The following SSH2 variants were observed in gnomAD, a reference collection of about 807,000 sequenced individuals.
The protein encoded by SSH2 is protein phosphatase Slingshot homolog 2.
SSH2 carries 37 observed loss-of-function variants against 135.2 expected under a neutral mutation model. The observed-to-expected ratio is 0.27, with a 90% CI of 0.21 to 0.36. SSH2 has a LOEUF of 0.36. Ranked by LOEUF, SSH2 falls within the 10% of genes least tolerant of loss-of-function variation. SSH2 has a pLI of 1.00. For missense variants in SSH2, 1,408 were observed against 1,765.3 expected, an observed-to-expected ratio of 0.80 and a Z score of 3.63; for synonymous variants, 628 against 646.2, an observed-to-expected ratio of 0.97 and a Z score of 0.43.
At chr17:29,712,526 G>A (rs1283496188) in intron 3 of SSH2, among the ~76,000 whole-genome samples, 4 of 152,200 alleles carry the variant, frequency 2.6e-5, no homozygotes, top group Non-Finnish European at 4.4e-5. Flanking sequence ...ATTTCTGGCT[G>A]AGCGCGGTGG....
intron 3 of SSH2, among the ~76,000 whole-genome samples, chr17:29,785,726 C>A (rs1158939229): frequency 6.6e-6 from 1 of 150,904 alleles, no homozygotes; most frequent in Non-Finnish European, 1.5e-5. Context: ...GTCTCGAACT[C>A]GTGACCTCGA....
chr17:29,898,810 G>T (rs1017468499), intron 1 of SSH2, among the ~76,000 whole-genome samples: 13 of 152,094 alleles, frequency 8.5e-5, no homozygotes, highest in East Asian at 3.9e-4. Flanking sequence ...TACCAAAGCC[G>T]GGCAGAGACA....
chr17:29,813,240 G>A (rs1027278122), intron 2 of SSH2, among the ~76,000 whole-genome samples: 6 of 151,820 alleles, frequency 4.0e-5, no homozygotes, highest in South Asian at 2.1e-4. Flanking sequence ...AAAATTAGCC[G>A]GGCGCAGTGG....
At chr17:29,684,474 CG>C (rs1474164826) in intron 6 of SSH2, 88 bp downstream of exon 6, 1 of 1,236,922 alleles carries the variant, frequency 8.1e-7, no homozygotes, top group Non-Finnish European at 1.1e-6. Flanking sequence ...GATGACACTC[CG>C]TCCCCATTAA....
intron 1 of SSH2, among the ~76,000 whole-genome samples, chr17:29,911,609 G>A (rs1173054993): frequency 6.6e-6 from 1 of 152,196 alleles, no homozygotes; most frequent in East Asian, 1.9e-4. Flanking sequence ...ATGCTATATT[G>A]CAATGTTATA....
chr17:29,874,556 C>T (rs2065996301), intron 1 of SSH2, among the ~76,000 whole-genome samples: 1 of 151,952 alleles, frequency 6.6e-6, no homozygotes, highest in South Asian at 2.1e-4. Context: ...GGGGCTCTTC[C>T]CCATTTTGCT....
chr17:29,867,246 A>G (rs2065869184), intron 1 of SSH2, among the ~76,000 whole-genome samples: 2 of 152,216 alleles, frequency 1.3e-5, no homozygotes, highest in Admixed American at 1.3e-4. Flanking sequence ...GAAAGCATGC[A>G]ATTCTTTTGA....
intron 5 of SSH2, among the ~76,000 whole-genome samples, chr17:29,688,628 C>T (rs1268607796): frequency 1.3e-5 from 2 of 151,860 alleles, no homozygotes; most frequent in African/African-American, 4.8e-5. Context: ...CCATGCTTGG[C>T]TAATTTTTTG....
At chr17:29,644,536 C>A (rs576927458) in intron 14 of SSH2, among the ~76,000 whole-genome samples, 1 of 152,126 alleles carries the variant, frequency 6.6e-6, no homozygotes, top group Non-Finnish European at 1.5e-5. Flanking sequence ...TGGCCAGGTG[C>A]GATGGCTCAC....
chr17:29,662,369 A>T (rs2151024402), intron 11 of SSH2, among the ~76,000 whole-genome samples: 1 of 152,312 alleles, frequency 6.6e-6, no homozygotes, highest in Middle Eastern at 3.4e-3. Flanking sequence ...ACTTGACATA[A>T]TATCCAAGGA....
At chr17:29,894,409 C>T (rs2151448972) in intron 1 of SSH2, among the ~76,000 whole-genome samples, 1 of 152,010 alleles carries the variant, frequency 6.6e-6, no homozygotes, top group South Asian at 2.1e-4. Context: ...TATCAAAATC[C>T]ACAGATGCCC....
At chr17:29,720,349 C>T (rs2039778451) in intron 3 of SSH2, among the ~76,000 whole-genome samples, 1 of 152,212 alleles carries the variant, frequency 6.6e-6, no homozygotes, top group Admixed American at 6.5e-5. Context: ...TGCAAAACAA[C>T]AGTTTCTCAA....
At chr17:29,837,806 G>A (rs958042188) in intron 2 of SSH2, among the ~76,000 whole-genome samples, 1 of 152,244 alleles carries the variant, frequency 6.6e-6, no homozygotes, top group East Asian at 1.9e-4. Flanking sequence ...TGAGGGAAAC[G>A]CAAAGAGGAG....
At chr17:29,908,668 G>T (rs1317142430) in intron 1 of SSH2, among the ~76,000 whole-genome samples, 1 of 148,382 alleles carries the variant, frequency 6.7e-6, no homozygotes, top group Non-Finnish European at 1.5e-5. Flanking sequence ...GGAGGCTGAA[G>T]CAGGAGAACT....
intron 2 of SSH2, among the ~76,000 whole-genome samples, chr17:29,808,871 A>C (rs551503282): frequency 6.6e-6 from 1 of 152,328 alleles, no homozygotes; most frequent in Non-Finnish European, 1.5e-5. Context: ...AAAAAGGTTG[A>C]GAATTTCATT....
chr17:29,928,394 A>C (rs2151495048), intron 1 of SSH2: 1 of 396,756 alleles, frequency 2.5e-6, no homozygotes, highest in Middle Eastern at 6.3e-4. Flanking sequence ...GATTAGAAAT[A>C]GTCTTAGAAG....
intron 3 of SSH2, among the ~76,000 whole-genome samples, chr17:29,778,394 CTT>C (rs2041757152): frequency 6.6e-6 from 1 of 152,164 alleles, no homozygotes; most frequent in African/African-American, 2.4e-5. Context: ...AATCCCATCA[CTT>C]TGGGAGGCTG....
At chr17:29,834,033 T>C (rs1403064402) in intron 2 of SSH2, among the ~76,000 whole-genome samples, 1 of 151,162 alleles carries the variant, frequency 6.6e-6, no homozygotes, top group Non-Finnish European at 1.5e-5. Context: ...TGTGTATCTA[T>C]TGTAGGTTTT....
Position 29,630,222 on chromosome 17 carries a change from A to C in SSH2, c.*619T>G, listed in dbSNP as rs922023405. The C allele has an allele frequency of 2.6e-5, 4 of 152,326 alleles. No homozygotes were observed. In the South Asian group the frequency reaches 8.3e-4, roughly 32 times the overall value. The allele number at this position is 152,326 out of a possible 1,614,324, so 9.4% of individuals were successfully genotyped here. Reference sequence around the variant, plus strand: ...TTTCTTGGGAAAAAAACTATATGATAAATTTGCAGAGCCGGCCATTATCAT... The same window carrying C: ...TTTCTTGGGAAAAAAACTATATGATCAATTTGCAGAGCCGGCCATTATCAT... On this transcript the variant is annotated 3_prime_UTR_variant, in exon 16 of 16. Transcript: ENST00000540801.
Sources: gnomAD v4.1 joint callset for allele counts (sites outside exome capture counted in the v4.1 genomes callset) on GRCh38, gnomAD v4.1.1 for gene constraint, MANE v1.5 for transcripts, NCBI Gene and HGNC (gene_info 2026-07-23, HGNC 2026-07-21) for gene names.